Variants in MRAP2 observed in about 807,000 individuals in gnomAD.
The protein encoded by MRAP2 is melanocortin 2 receptor accessory protein 2.
Under a neutral mutation model 17.4 loss-of-function variants are expected in MRAP2, and 20 were observed. That is an observed-to-expected ratio of 1.15 (90% CI 0.81 to 1.67). MRAP2 has a LOEUF of 1.67. MRAP2 is among the 40% of genes most tolerant of loss of function. The pLI, the probability that MRAP2 is intolerant of heterozygous loss-of-function variation, is 0.00. For synonymous variants in MRAP2, 96 were observed against 88.4 expected (o/e 1.09, Z -0.48); for missense variants, 238 against 240.0 (o/e 0.99, Z 0.05).
chr6:84,116,876 G>A, the MRAP2 span, among the ~76,000 whole-genome samples: 1 of 152,106 alleles, frequency 6.6e-6, no homozygotes, highest in Admixed American at 6.6e-5. Context: ...ATGTACTGCT[G>A]AATTTGGTTT....
At chr6:84,132,631 G>A in the MRAP2 span, among the ~76,000 whole-genome samples, 4 of 151,856 alleles carry the variant, frequency 2.6e-5, no homozygotes, top group African/African-American at 7.3e-5. Flanking sequence ...CCACTTGATC[G>A]AATTGGCTAC....
At chr6:84,106,970 ATCTATGGATGATGGTAGGG>A in the MRAP2 span, among the ~76,000 whole-genome samples, 1 of 152,158 alleles carries the variant, frequency 6.6e-6, no homozygotes. Flanking sequence ...AAGGAGAGCC[ATCTATGGATGATGGTAGGG>A]CCTTGCTGTA....
the MRAP2 span, among the ~76,000 whole-genome samples, chr6:84,143,036 T>C: frequency 6.6e-6 from 1 of 152,108 alleles, no homozygotes; most frequent in Non-Finnish European, 1.5e-5. Context: ...ATAATTACTA[T>C]GTTTTATGTT....
intron 3 of MRAP2, among the ~76,000 whole-genome samples, chr6:84,064,372 AGAGGCTGCAT>A (rs1562881256): frequency 1.3e-5 from 2 of 152,190 alleles, no homozygotes; most frequent in Non-Finnish European, 2.9e-5. Flanking sequence ...ACCAGCAGCC[AGAGGCTGCAT>A]CAAAGGCTAG....
At chr6:84,053,023 AC>A (rs1004106316) in intron 1 of MRAP2, among the ~76,000 whole-genome samples, 4 of 152,108 alleles carry the variant, frequency 2.6e-5, no homozygotes, top group African/African-American at 9.7e-5. Flanking sequence ...TTACACACTG[AC>A]CGGCCCCATG....
At chr6:84,117,830 A>C in the MRAP2 span, among the ~76,000 whole-genome samples, 1 of 152,166 alleles carries the variant, frequency 6.6e-6, no homozygotes. Context: ...AACAGCAAAG[A>C]TGGCGGCCTG....
At chr6:84,083,638 AT>A (rs1392341573) in intron 3 of MRAP2, among the ~76,000 whole-genome samples, 4 of 152,130 alleles carry the variant, frequency 2.6e-5, no homozygotes, top group Non-Finnish European at 5.9e-5. Flanking sequence ...CTCTATTTTT[AT>A]TTTGTCAACA....
chr6:84,120,897 A>G, the MRAP2 span, among the ~76,000 whole-genome samples: 2 of 152,128 alleles, frequency 1.3e-5, no homozygotes, highest in African/African-American at 4.8e-5. Context: ...CCCTCTAGGC[A>G]TGTGGTTACT....
At chr6:84,040,976 G>A (rs1351854596) in intron 1 of MRAP2, among the ~76,000 whole-genome samples, 1 of 152,190 alleles carries the variant, frequency 6.6e-6, no homozygotes, top group East Asian at 1.9e-4. Flanking sequence ...AATGTCTCCA[G>A]GGCATGTCGG....
At chr6:84,132,700 A>T in the MRAP2 span, among the ~76,000 whole-genome samples, 3 of 152,084 alleles carry the variant, frequency 2.0e-5, no homozygotes, top group Non-Finnish European at 1.5e-5. Flanking sequence ...CCATCAGGTG[A>T]TTTAAGGTCT....
At chr6:84,093,855 T>G (rs1322938039), downstream of MRAP2, among the ~76,000 whole-genome samples, 1 of 152,228 alleles carries the variant, frequency 6.6e-6, no homozygotes, top group African/African-American at 2.4e-5. Flanking sequence ...AAGTCCCTAA[T>G]CCCTTAAAGC....
intron 3 of MRAP2, chr6:84,063,342 CA>C: frequency 1.0e-6 from 1 of 985,182 alleles, no homozygotes; most frequent in South Asian, 4.7e-5. Flanking sequence ...ATATTAAAAA[CA>C]GTGGAAAAGA....
At chr6:84,104,048 T>A in the MRAP2 span, among the ~76,000 whole-genome samples, 1 of 152,222 alleles carries the variant, frequency 6.6e-6, no homozygotes, top group Non-Finnish European at 1.5e-5. Context: ...AATACTGTAC[T>A]TCAACAAACT....
At chr6:84,123,049 C>T in the MRAP2 span, among the ~76,000 whole-genome samples, 1 of 151,806 alleles carries the variant, frequency 6.6e-6, no homozygotes, top group Non-Finnish European at 1.5e-5. Context: ...TAAAAAAGAA[C>T]TACAAAGCAC....
At chr6:84,081,100 A>G (rs549414008) in intron 3 of MRAP2, among the ~76,000 whole-genome samples, 1 of 152,364 alleles carries the variant, frequency 6.6e-6, no homozygotes, top group African/African-American at 2.4e-5. Flanking sequence ...ATGTTGACAA[A>G]GTCACCCATT....
chr6:84,040,987 A>G (rs532849201), intron 1 of MRAP2, among the ~76,000 whole-genome samples: 15 of 152,322 alleles, frequency 9.8e-5, no homozygotes, highest in South Asian at 4.1e-4. Context: ...GGCATGTCGG[A>G]GACCTTTGTA....
At chr6:84,067,983 G>A (rs922743180) in intron 3 of MRAP2, among the ~76,000 whole-genome samples, 11 of 152,028 alleles carry the variant, frequency 7.2e-5, no homozygotes, top group African/African-American at 1.9e-4. Flanking sequence ...ATCTAGAAGC[G>A]TTTTTCCAAT....
At chr6:84,136,857 C>G in the MRAP2 span, among the ~76,000 whole-genome samples, 5 of 152,220 alleles carry the variant, frequency 3.3e-5, no homozygotes, top group African/African-American at 9.6e-5. Context: ...GGTTCAATCA[C>G]TTTTCTGTGT....
intron 2 of MRAP2, among the ~76,000 whole-genome samples, chr6:84,056,327 G>T (rs1339679340): frequency 6.6e-6 from 1 of 152,154 alleles, no homozygotes; most frequent in African/African-American, 2.4e-5. Context: ...TTATTTCCTG[G>T]CTGCTTCTAT....
Sources: allele counts gnomAD v4.1 joint callset (sites outside exome capture counted in the v4.1 genomes callset), GRCh38; gene constraint gnomAD v4.1.1; transcripts MANE v1.5; gene names NCBI Gene and HGNC (gene_info 2026-07-23, HGNC 2026-07-21).